Variants in SPOCK3 observed in about 807,000 individuals in gnomAD.
SPOCK3 encodes testican-3.
Under a neutral mutation model 56.6 loss-of-function variants are expected in SPOCK3, and 30 were observed. The ratio of observed to expected loss-of-function variants is 0.53; its 90% CI spans 0.40 to 0.72. SPOCK3 has a LOEUF of 0.72. SPOCK3 is among the 30% of genes least tolerant of loss of function. SPOCK3 has a pLI of 0.00. For synonymous variants in SPOCK3, 196 were observed against 183.3 expected (o/e 1.07, Z -0.56); for missense variants, 527 against 530.0 (o/e 0.99, Z 0.06).
chr4:167,057,372 C>T (rs1755017737), intron 3 of SPOCK3, among the ~76,000 whole-genome samples: 1 of 152,162 alleles, frequency 6.6e-6, no homozygotes, highest in African/African-American at 2.4e-5. Flanking sequence ...GAAGAAACTG[C>T]ATCAACTAAC....
At chr4:167,010,307 G>A (rs1749903200) in intron 3 of SPOCK3, among the ~76,000 whole-genome samples, 1 of 151,986 alleles carries the variant, frequency 6.6e-6, no homozygotes, top group Admixed American at 6.6e-5. Context: ...GATCACTTGA[G>A]CTCAAGAGTT....
At chr4:167,142,130 T>C (rs950225492) in intron 2 of SPOCK3, among the ~76,000 whole-genome samples, 2 of 152,006 alleles carry the variant, frequency 1.3e-5, no homozygotes, top group Non-Finnish European at 2.9e-5. Flanking sequence ...TTTTTAGACA[T>C]GAAAAGTCTC....
At chr4:167,090,756 T>A (rs1367702419) in intron 2 of SPOCK3, among the ~76,000 whole-genome samples, 2 of 151,998 alleles carry the variant, frequency 1.3e-5, no homozygotes, top group East Asian at 3.9e-4. Flanking sequence ...ACCCACCTCG[T>A]CCTCCCAAAG....
intron 2 of SPOCK3, among the ~76,000 whole-genome samples, chr4:167,133,544 A>G (rs1580393820): frequency 6.6e-6 from 1 of 152,236 alleles, no homozygotes; most frequent in East Asian, 1.9e-4. Context: ...TAGATGTCTT[A>G]CAGAACAGAG....
chr4:166,902,388 G>A (rs988215874), intron 5 of SPOCK3, among the ~76,000 whole-genome samples: 12 of 151,874 alleles, frequency 7.9e-5, no homozygotes, highest in Non-Finnish European at 1.5e-4. Context: ...GTGGAATCAT[G>A]TATTTCATCA....
intron 8 of SPOCK3, among the ~76,000 whole-genome samples, chr4:166,751,919 G>A (rs1180924526): frequency 6.6e-6 from 1 of 152,080 alleles, no homozygotes; most frequent in East Asian, 1.9e-4. Context: ...TAATTGTCAT[G>A]ATTTTAGAAA....
intron 2 of SPOCK3, among the ~76,000 whole-genome samples, chr4:167,174,868 G>T (rs1362014996): frequency 6.6e-6 from 1 of 152,110 alleles, no homozygotes; most frequent in Non-Finnish European, 1.5e-5. Context: ...CTTCTCATGA[G>T]AAACTAATCT....
chr4:166,975,075 C>G (rs1468191793), intron 4 of SPOCK3, among the ~76,000 whole-genome samples: 1 of 152,134 alleles, frequency 6.6e-6, no homozygotes, highest in African/African-American at 2.4e-5. Flanking sequence ...TCCCTCTTGT[C>G]CTGTGATGCT....
chr4:167,037,039 T>G (rs1752818493), intron 3 of SPOCK3, among the ~76,000 whole-genome samples: 1 of 152,172 alleles, frequency 6.6e-6, no homozygotes, highest in Non-Finnish European at 1.5e-5. Flanking sequence ...ACTTTTAAAT[T>G]GTGCATTTTT....
chr4:167,053,901 G>A (rs576405282), intron 3 of SPOCK3, among the ~76,000 whole-genome samples: 18 of 152,070 alleles, frequency 1.2e-4, no homozygotes, highest in African/African-American at 4.1e-4. Flanking sequence ...AGGAGCAGGA[G>A]AAACACATCA....
intron 4 of SPOCK3, among the ~76,000 whole-genome samples, chr4:166,948,746 C>A (rs1263479350): frequency 1.3e-5 from 2 of 152,104 alleles, no homozygotes; most frequent in African/African-American, 2.4e-5. Context: ...TTGTGGGTAA[C>A]CCGACCTTTC....
intron 4 of SPOCK3, among the ~76,000 whole-genome samples, chr4:166,965,524 A>C (rs775782378): frequency 2.0e-5 from 3 of 150,600 alleles, no homozygotes; most frequent in Non-Finnish European, 3.0e-5. Context: ...TCAAGCCTTC[A>C]CTGTTTCTGA....
At chr4:167,074,192 C>T (rs190631561) in intron 2 of SPOCK3, among the ~76,000 whole-genome samples, 4 of 151,902 alleles carry the variant, frequency 2.6e-5, no homozygotes, top group East Asian at 1.9e-4. Flanking sequence ...ACGTGACTCA[C>T]CCCCTTTTTC....
intron 2 of SPOCK3, among the ~76,000 whole-genome samples, chr4:167,111,194 A>T (rs1278934427): frequency 6.6e-6 from 1 of 152,068 alleles, no homozygotes; most frequent in Non-Finnish European, 1.5e-5. Context: ...GAGGAAAAAA[A>T]TTCACAACTA....
chr4:166,952,199 A>C (rs1742736092), intron 4 of SPOCK3, among the ~76,000 whole-genome samples: 2 of 152,204 alleles, frequency 1.3e-5, no homozygotes, highest in African/African-American at 4.8e-5. Context: ...GTCTCAGCCC[A>C]AAATCTCCTT....
intron 3 of SPOCK3, among the ~76,000 whole-genome samples, chr4:167,053,368 C>T (rs1754417601): frequency 6.6e-6 from 1 of 152,100 alleles, no homozygotes; most frequent in Non-Finnish European, 1.5e-5. Context: ...TCACATACCT[C>T]CTCTTTGGGA....
At chr4:167,138,278 C>A (rs1043037031) in intron 2 of SPOCK3, among the ~76,000 whole-genome samples, 1 of 151,748 alleles carries the variant, frequency 6.6e-6, no homozygotes, top group Admixed American at 6.6e-5. Context: ...AACTTCAGAC[C>A]ATCTCTATTG....
chr4:166,820,403 A>G (rs1267080774), intron 6 of SPOCK3, among the ~76,000 whole-genome samples: 1 of 152,092 alleles, frequency 6.6e-6, no homozygotes. Context: ...ATACAGATAT[A>G]CATTTAGATT....
At chr4:167,205,551 A>ATTAT (rs1734207401) in intron 2 of SPOCK3, among the ~76,000 whole-genome samples, 2 of 57,184 alleles carry the variant, frequency 3.5e-5, no homozygotes, top group East Asian at 9.8e-4. Flanking sequence ...ATATTATATA[A>ATTAT]TATATAATAT....
Sources: allele counts gnomAD v4.1 joint callset (sites outside exome capture counted in the v4.1 genomes callset), GRCh38; gene constraint gnomAD v4.1.1; transcripts MANE v1.5; gene names NCBI Gene and HGNC (gene_info 2026-07-23, HGNC 2026-07-21).